The following MAVS variants were observed in gnomAD, a reference collection of about 807,000 sequenced individuals.
MAVS encodes the protein mitochondrial antiviral signaling protein, also known as mitochondrial antiviral-signaling protein.
Under a neutral mutation model 30.2 loss-of-function variants are expected in MAVS, and 20 were observed. The observed-to-expected ratio is 0.66, with a 90% confidence interval of 0.47 to 0.96. The LOEUF is 0.96. Ranked by LOEUF, MAVS falls within the 40% of genes least tolerant of loss-of-function variation. The pLI, the probability that MAVS is intolerant of heterozygous loss-of-function variation, is 0.00. For synonymous variants in MAVS, 278 were observed against 293.9 expected, an observed-to-expected ratio of 0.95 and a Z score of 0.55; for missense variants, 624 against 701.1, an observed-to-expected ratio of 0.89 and a Z score of 1.24.
chr20:3,848,514 G>A (rs764925157), intron 1 of MAVS, among the ~76,000 whole-genome samples: 5 of 152,210 alleles, frequency 3.3e-5, no homozygotes, highest in Non-Finnish European at 7.3e-5. Context: ...CTTGCCCCAC[G>A]AGGAATGTAG....
In MAVS at chr20:3,864,551, A is replaced by G. The variant is rs1568537676; in HGVS notation, c.921A>G (p.Thr307=). The G allele has an allele frequency of 6.2e-7, 1 of 1,614,138 alleles. No homozygotes were observed. Among genetic ancestry groups the G allele is most frequent in the African/African-American group, 1.3e-5 (1 of 75,046 alleles). Residue 307 remains threonine (T), a synonymous_variant, in exon 6 of 7, where the codon ACA becomes ACG. Coordinates refer to ENST00000428216, the MANE Select transcript of MAVS (RefSeq NM_020746.5). ...KVPTTLMPVN[T]VALKVPANPA... ...CTACCACCTTGATGCCTGTGAACACAGTGGCCCTGAAAGTGCCTGCCAACC... is the reference window on the plus strand; with the variant it reads ...CTACCACCTTGATGCCTGTGAACACGGTGGCCCTGAAAGTGCCTGCCAACC...
In MAVS at chr20:3,861,722, A is replaced by G. The variant is rs116203675; in HGVS notation, c.465+218A>G. On this transcript the variant is annotated intron_variant, in intron 4 of 6. Coordinates refer to ENST00000428216, the MANE Select transcript of MAVS (RefSeq NM_020746.5). ...TGGCAGCCCTAATCCTCTGTCAGCA[A>G]CCAGCTGGGAGACCACAGTTTTGTG... Among the ~76,000 whole-genome samples the G allele has an allele frequency of 8.8e-3, 1,339 of 151,838 alleles. 21 individuals carry two copies. Among genetic ancestry groups the G allele is most frequent in the African/African-American group, 0.031 (1,267 of 41,350 alleles).
chr20:3,849,207 C>CTTT, intron 1 of MAVS, among the ~76,000 whole-genome samples: 1 of 141,052 alleles, frequency 7.1e-6, no homozygotes, highest in African/African-American at 2.6e-5. Flanking sequence ...AGCTTGCTTG[C>CTTT]TTTTTTTTTT....
At chr20:3,852,024 T>C (rs548275227) in intron 1 of MAVS, among the ~76,000 whole-genome samples, 1 of 139,348 alleles carries the variant, frequency 7.2e-6, no homozygotes, top group Admixed American at 7.2e-5. Flanking sequence ...AGACGGAATC[T>C]GGCTCTGTCG....
rs1259780960 is a variant in MAVS, at chr20:3,875,499, A to C, written c.*9352A>C. ...TTAAAAAAAAAAAAAACCAGCCAAA[A>C]CCACAACTTTTTACTGAAGTGTAAT... On this transcript the variant is annotated 3_prime_UTR_variant, in exon 7 of 7. Transcript: ENST00000428216. The C allele has an allele frequency of 6.6e-6, 1 of 152,060 alleles. No homozygotes were observed. Among genetic ancestry groups the C allele is most frequent in the Admixed American group, 6.6e-5 (1 of 15,246 alleles). The allele number at this position is 152,060 out of a possible 1,614,324, so 9.4% of individuals were successfully genotyped here. A position where few individuals can be genotyped will look rare whatever the true frequency, so the allele number is the denominator to read the frequency against.
rs183357169 is a variant in MAVS at position 3,850,661 on chromosome 20, C to T, written c.-68+3758C>T. 7.3e-3 allele frequency among the ~76,000 whole-genome samples: 1,094 copies of T among 150,748 alleles called. 10 individuals carry two copies. The highest frequency in any genetic ancestry group is 0.024 in the African/African-American group (997 of 40,960). Reference sequence around the variant, plus strand: ...CAGCACTTTGGGAGGCCGAGGCAGGCGGATCACGAGTTCAGGAGATTGAGA... The same window carrying T: ...CAGCACTTTGGGAGGCCGAGGCAGGTGGATCACGAGTTCAGGAGATTGAGA... On this transcript the variant is annotated intron_variant, in intron 1 of 6. Transcript: ENST00000428216.
In MAVS at chr20:3,860,373, A is replaced by ATTT. The variant is rs36084316; in HGVS notation, c.293-943_293-941dup. Reference sequence around the variant, plus strand: ...CTCCCTATAGTCCCTGATTCCTTCTATTTTTTTTTTTTTTTTTTGAGACGG... The same window carrying ATTT: ...CTCCCTATAGTCCCTGATTCCTTCTATTTTTTTTTTTTTTTTTTTTTGAGACGG... On this transcript the variant is annotated intron_variant, in intron 3 of 6. Coordinates refer to ENST00000428216, the MANE Select transcript of MAVS (RefSeq NM_020746.5). Among the ~76,000 whole-genome samples the ATTT allele has an allele frequency of 5.8e-4, 72 of 125,060 alleles. 2 individuals are homozygous for ATTT. The highest frequency in any genetic ancestry group is 2.6e-3 in the South Asian group (10 of 3,890). The allele number at this position is 125,060 out of a possible 152,430, so 82.0% of individuals were successfully genotyped here. A position where few individuals can be genotyped will look rare whatever the true frequency, so the allele number is the denominator to read the frequency against.
At chr20:3,848,529 G>A (rs2089730218) in intron 1 of MAVS, among the ~76,000 whole-genome samples, 1 of 152,192 alleles carries the variant, frequency 6.6e-6, no homozygotes. Flanking sequence ...ATGTAGCAGG[G>A]CCTGCTGGCT....
rs1007671658 is a variant in MAVS, at chr20:3,865,785, C to T, written c.1261C>T (p.Pro421Ser). The T allele has an allele frequency of 1.2e-6, 2 of 1,613,682 alleles. No individual in the cohort carries two copies. Among genetic ancestry groups the T allele is most frequent in the African/African-American group, 2.7e-5 (2 of 74,914 alleles). ...GGGCCTTGGGTCGGAGCTGAGTAAG[C>T]CTGGCGTGCTGGCATCCCAGGTAGA... ...NRGLGSELSK[P>S]GVLASQVDSP... Residue 421 changes from proline to serine, a missense_variant, in exon 7 of 7, where the codon CCT becomes TCT. By Grantham distance (74) the Pro-to-Ser change is moderately conservative (BLOSUM62 -1). Transcript: ENST00000428216. The surrounding 1 kb of genome is among the most constrained non-coding windows in gnomAD (Gnocchi z 4.7).
intron 1 of MAVS, among the ~76,000 whole-genome samples, chr20:3,848,307 C>G: frequency 6.6e-6 from 1 of 152,104 alleles, no homozygotes; most frequent in Non-Finnish European, 1.5e-5. Flanking sequence ...CCATGTTGGC[C>G]AGGCTGGTCT....
Position 3,864,521 on chromosome 20 carries a change from A to G in MAVS, c.891A>G (p.Lys297=). 3 of 1,614,078 alleles carry G rather than the reference A, an allele frequency of 1.9e-6. No homozygotes were observed. The highest frequency in any genetic ancestry group is 2.5e-6 in the Non-Finnish European group (3 of 1,180,026). Residue 297 remains lysine, a synonymous_variant, in exon 6 of 7, where the codon AAA becomes AAG. Transcript: ENST00000428216. ...CACCTGCCAACTCTCTGCCCTCCAA[A>G]GTGCCTACCACCTTGATGCCTGTGA... ...AEAPANSLPS[K]VPTTLMPVNT...
At position 3,871,897 on chromosome 20, in the gene MAVS, T is replaced by C. The variant is rs1481431251; in HGVS notation, c.*5750T>C. Reference sequence around the variant, plus strand: ...AATAATAATAAGGGTTACAACTTACTCCATACCTTACTGTCTGCCAGGCAT... The same window carrying C: ...AATAATAATAAGGGTTACAACTTACCCCATACCTTACTGTCTGCCAGGCAT... On this transcript the variant is annotated 3_prime_UTR_variant, in exon 7 of 7. Transcript: ENST00000428216. 6.6e-6 allele frequency: 1 copy of C among 152,354 alleles called. No individual in the cohort carries two copies. The highest frequency in any genetic ancestry group is 1.5e-5 in the Non-Finnish European group (1 of 68,050). The allele number at this position is 152,354 out of a possible 1,614,324, so 9.4% of individuals were successfully genotyped here. A position where few individuals can be genotyped will look rare whatever the true frequency, so the allele number is the denominator to read the frequency against.
Position 3,868,097 on chromosome 20 carries a change from C to G in MAVS, c.*1950C>G, listed in dbSNP as rs2089923201. ...AGTTCAGCAACCTAATGATCTCTAT[C>G]TCTGAACATCTCTTCATCCCATGCT... On this transcript the variant is annotated 3_prime_UTR_variant, in exon 7 of 7. Transcript: ENST00000428216. 1 of 152,456 alleles carries G rather than the reference C, an allele frequency of 6.6e-6. No individual in the cohort carries two copies. The highest frequency in any genetic ancestry group is 6.6e-5 in the Admixed American group (1 of 15,264). The allele number at this position is 152,456 out of a possible 1,614,324, so 9.4% of individuals were successfully genotyped here.
chr20:3,857,531 T>C (rs1181828667), intron 2 of MAVS, 104 bp from the exon 3 acceptor site: 7 of 1,401,180 alleles, frequency 5.0e-6, no homozygotes, highest in Admixed American at 2.1e-5. Context: ...TGCCTTGCCC[T>C]TGTGGCTTTC....
At chr20:3,859,399 T>C (rs1239038172) in intron 3 of MAVS, among the ~76,000 whole-genome samples, 1 of 151,852 alleles carries the variant, frequency 6.6e-6, no homozygotes, top group Non-Finnish European at 1.5e-5. Context: ...TCCCAGCTAC[T>C]TGGGAGGCTG....
chr20:3,853,352 G>A (rs546320365), intron 1 of MAVS, among the ~76,000 whole-genome samples: 8 of 151,492 alleles, frequency 5.3e-5, no homozygotes, highest in Admixed American at 2.6e-4. Flanking sequence ...CGGGCGTGGT[G>A]GCGGGCGCCT....
chr20:3,864,642 T>A lies in MAVS; in HGVS notation c.1012T>A (p.Ser338Thr). 2 of 1,614,216 alleles carry A rather than the reference T, an allele frequency of 1.2e-6. No individual in the cohort carries two copies. Among genetic ancestry groups the A allele is most frequent in the Non-Finnish European group, 1.7e-6 (2 of 1,180,040 alleles). Residue 338 changes from serine to threonine, a missense_variant, in exon 6 of 7, where the codon TCT becomes ACT. By Grantham distance (58) the Ser-to-Thr change is moderately conservative. Coordinates refer to ENST00000428216, the MANE Select transcript of MAVS (RefSeq NM_020746.5). ...CTCAAAGCCCCCTGGTGCAGTGCCT[T>A]CTAATGCGCTCACCAATCCAGCACC... ...TSSKPPGAVP[S>T]NALTNPAPSK...
intron 1 of MAVS, among the ~76,000 whole-genome samples, chr20:3,853,282 C>G (rs968182608): frequency 9.3e-5 from 14 of 150,272 alleles, no homozygotes; most frequent in Non-Finnish European, 1.5e-4. Flanking sequence ...GTCAGTAAAT[C>G]GAGACCATCC....
At chr20:3,858,637 C>T (rs1442543871) in intron 3 of MAVS, among the ~76,000 whole-genome samples, 1 of 147,198 alleles carries the variant, frequency 6.8e-6, no homozygotes, top group African/African-American at 2.5e-5. Context: ...TGCACTCCAG[C>T]CTGGGCGACA....
Sources: allele counts gnomAD v4.1 joint callset (sites outside exome capture counted in the v4.1 genomes callset), GRCh38; gene constraint gnomAD v4.1.1; non-coding constraint Gnocchi (gnomAD v3.1); transcripts MANE v1.5; gene names NCBI Gene and HGNC (gene_info 2026-07-23, HGNC 2026-07-21).